UBE2E2: variants seen among roughly 807,000 people sequenced by gnomAD.
The protein encoded by UBE2E2 is ubiquitin-conjugating enzyme E2 E2.
UBE2E2 carries 6 observed loss-of-function variants against 24.7 expected under a neutral mutation model. The ratio of observed to expected loss-of-function variants is 0.24; its 90% CI spans 0.13 to 0.48. The LOEUF (loss-of-function observed/expected upper bound fraction) is 0.48, where lower values mean the gene tolerates loss of function less well. Among genes scored for constraint, UBE2E2 ranks in the 20% least tolerant of loss-of-function variants. The probability of loss-of-function intolerance (pLI) is 0.99; values close to 1 mark genes in which losing one functional copy is unlikely to be tolerated. For missense variants in UBE2E2, 169 were observed against 245.0 expected, an observed-to-expected ratio of 0.69 and a Z score of 2.07; for synonymous variants, 104 against 83.6, an observed-to-expected ratio of 1.24 and a Z score of -1.33.
chr3:23,514,017 A>G (rs1216639845), intron 4 of UBE2E2, among the ~76,000 whole-genome samples: 1 of 152,190 alleles, frequency 6.6e-6, no homozygotes, highest in African/African-American at 2.4e-5. Context: ...GTGGCTTCCC[A>G]TTGCACTTAG....
intron 3 of UBE2E2, among the ~76,000 whole-genome samples, chr3:23,220,542 A>G (rs1161744562): frequency 6.6e-6 from 1 of 152,220 alleles, no homozygotes; most frequent in Admixed American, 6.5e-5. Context: ...TCCTATAAGT[A>G]GTGGAATATA....
intron 3 of UBE2E2, among the ~76,000 whole-genome samples, chr3:23,235,313 A>G (rs1442588594): frequency 1.3e-5 from 2 of 152,120 alleles, no homozygotes; most frequent in East Asian, 3.9e-4. Flanking sequence ...CTTAATTGAG[A>G]GCAAAAAGTT....
intron 3 of UBE2E2, among the ~76,000 whole-genome samples, chr3:23,355,077 T>C (rs1695901434): frequency 6.6e-6 from 1 of 151,890 alleles, no homozygotes. Flanking sequence ...ATGTCCTTTG[T>C]AGGGACATGG....
At chr3:23,450,304 A>G (rs929908281) in intron 3 of UBE2E2, among the ~76,000 whole-genome samples, 1 of 152,132 alleles carries the variant, frequency 6.6e-6, no homozygotes, top group Non-Finnish European at 1.5e-5. Flanking sequence ...TGTGCTTCCA[A>G]CATTGTAACA....
At chr3:23,545,178 C>T (rs1467969169) in intron 5 of UBE2E2, among the ~76,000 whole-genome samples, 4 of 152,118 alleles carry the variant, frequency 2.6e-5, no homozygotes, top group Non-Finnish European at 1.5e-5. Flanking sequence ...GCATGCCTTC[C>T]TCTTATACTA....
Position 23,292,240 on chromosome 3 carries a change from G to A in UBE2E2, c.227+74928G>A, listed in dbSNP as rs574692071. Among the ~76,000 whole-genome samples the A allele has an allele frequency of 1.2e-4, 18 of 152,206 alleles. No homozygotes were observed. The South Asian group carries it at 3.7e-3, about 32-fold the overall frequency. On this transcript the variant is annotated intron_variant, in intron 3 of 5. Transcript: ENST00000396703. ...AGTCTTCTTGTGTCAGTCTCCCAAA[G>A]TTCTGGGATTACAGGCATGAGCCAC...
chr3:23,343,538 TAC>T (rs10578696), intron 3 of UBE2E2, among the ~76,000 whole-genome samples: 68,268 of 151,862 alleles, frequency 0.45, 15,671 homozygotes, highest in Admixed American at 0.56. Context: ...ATGGCGCCAC[TAC>T]ACTCTAGCCG....
At chr3:23,446,296 C>A (rs1698428721) in intron 3 of UBE2E2, among the ~76,000 whole-genome samples, 1 of 152,168 alleles carries the variant, frequency 6.6e-6, no homozygotes, top group African/African-American at 2.4e-5. Flanking sequence ...GGCCTGGAGC[C>A]CTGAACTCCT....
At chr3:23,448,437 T>C (rs1014589470) in intron 3 of UBE2E2, among the ~76,000 whole-genome samples, 1 of 152,174 alleles carries the variant, frequency 6.6e-6, no homozygotes, top group African/African-American at 2.4e-5. Context: ...ACCCATGTTA[T>C]GGAGATTTGG....
intron 5 of UBE2E2, among the ~76,000 whole-genome samples, chr3:23,534,762 A>G (rs1695211486): frequency 6.6e-6 from 1 of 152,156 alleles, no homozygotes; most frequent in Non-Finnish European, 1.5e-5. Flanking sequence ...GGTTAGATTG[A>G]AGTTTATCTT....
chr3:23,500,536 G>A (rs956850522), intron 4 of UBE2E2, among the ~76,000 whole-genome samples: 2 of 152,140 alleles, frequency 1.3e-5, no homozygotes, highest in Non-Finnish European at 2.9e-5. Flanking sequence ...ATGACCCTGA[G>A]GACACTATGT....
chr3:23,367,751 T>G (rs1471582642), intron 3 of UBE2E2, among the ~76,000 whole-genome samples: 1 of 151,938 alleles, frequency 6.6e-6, no homozygotes, highest in Admixed American at 6.6e-5. Context: ...CCCAGACTTG[T>G]GACTGTTGTG....
chr3:23,230,996 G>A lies in UBE2E2; in HGVS notation c.227+13684G>A, dbSNP rs199910836. 9.7e-4 allele frequency among the ~76,000 whole-genome samples: 148 copies of A among 152,168 alleles called. 2 individuals carry two copies. The highest frequency in any genetic ancestry group is 3.9e-3 in the East Asian group (20 of 5,182). On this transcript the variant is annotated intron_variant, in intron 3 of 5. Transcript: ENST00000396703. ...ATAAAAGCCTTCATCTTCAGCCAGG[G>A]CTTTCTAGAGAAATAATGGGAGACA...
chr3:23,564,654 T>C (rs1696022423), intron 5 of UBE2E2, among the ~76,000 whole-genome samples: 1 of 152,150 alleles, frequency 6.6e-6, no homozygotes, highest in African/African-American at 2.4e-5. Context: ...AAATATGATG[T>C]TGAGTTAGGG....
At chr3:23,244,341 T>TA (rs879851457) in intron 3 of UBE2E2, among the ~76,000 whole-genome samples, 5,151 of 152,270 alleles carry the variant, frequency 0.034, 312 homozygotes, top group African/African-American at 0.12. Context: ...TAAAGATAGA[T>TA]TAGTGTCTAG....
chr3:23,561,033 C>A (rs1261616768), intron 5 of UBE2E2, among the ~76,000 whole-genome samples: 191 of 152,142 alleles, frequency 1.3e-3, no homozygotes, highest in African/African-American at 3.9e-3. Context: ...GTTCACTCTG[C>A]TGGTAGTTTC....
At chr3:23,423,276 C>G (rs1697846995) in intron 3 of UBE2E2, among the ~76,000 whole-genome samples, 1 of 152,156 alleles carries the variant, frequency 6.6e-6, no homozygotes, top group Non-Finnish European at 1.5e-5. Context: ...AACTTTGCAG[C>G]TGTCTTGGAG....
At chr3:23,256,293 G>A (rs769471441) in intron 3 of UBE2E2, among the ~76,000 whole-genome samples, 19 of 152,170 alleles carry the variant, frequency 1.2e-4, no homozygotes, top group Admixed American at 3.9e-4. Flanking sequence ...TTAAAATGAT[G>A]ATTGTTTATT....
Position 23,495,760 on chromosome 3 carries a change from A to G in UBE2E2, c.228-3848A>G, listed in dbSNP as rs116622765. On this transcript the variant is annotated intron_variant, in intron 3 of 5. Transcript: ENST00000396703. ...AAAGCTTTATTGTCATCTGGGCTGA[A>G]TATACTCTGTCTATGCCTCATTGCC... 2.2e-3 allele frequency among the ~76,000 whole-genome samples: 339 copies of G among 152,276 alleles called. 3 individuals are homozygous for G. The highest frequency in any genetic ancestry group is 7.8e-3 in the African/African-American group (324 of 41,554).
Sources: gnomAD v4.1 joint callset for allele counts (sites outside exome capture counted in the v4.1 genomes callset) on GRCh38, gnomAD v4.1.1 for gene constraint, MANE v1.5 for transcripts, NCBI Gene and HGNC (gene_info 2026-07-23, HGNC 2026-07-21) for gene names.